Variants in CCDC171 observed in about 807,000 individuals in gnomAD.
CCDC171 encodes coiled-coil domain containing 171, also known as coiled-coil domain-containing protein 171.
Under a neutral mutation model 168.2 loss-of-function variants are expected in CCDC171, and 177 were observed. That is an observed-to-expected ratio of 1.05 (90% CI 0.93 to 1.19). The LOEUF (loss-of-function observed/expected upper bound fraction) is 1.19. CCDC171 is among the 50% of genes most tolerant of loss of function. The pLI, the probability that CCDC171 is intolerant of heterozygous loss-of-function variation, is 0.00. For missense variants in CCDC171, 1,991 were observed against 1,539.0 expected, an observed-to-expected ratio of 1.29 and a Z score of -4.91; for synonymous variants, 687 against 540.8, an observed-to-expected ratio of 1.27 and a Z score of -3.75.
At chr9:15,825,875 A>G (rs1291394987) in intron 21 of CCDC171, among the ~76,000 whole-genome samples, 2 of 152,164 alleles carry the variant, frequency 1.3e-5, no homozygotes, top group African/African-American at 4.8e-5. Flanking sequence ...AATGTGGTAG[A>G]CACTAAGCTT....
chr9:15,782,869 T>G (rs1329420011), intron 20 of CCDC171, among the ~76,000 whole-genome samples: 1 of 152,206 alleles, frequency 6.6e-6, no homozygotes, highest in Admixed American at 6.5e-5. Context: ...CCCAGCACTA[T>G]GCAAGTATCA....
At chr9:15,859,163 C>G (rs972338257) in intron 23 of CCDC171, among the ~76,000 whole-genome samples, 1 of 151,902 alleles carries the variant, frequency 6.6e-6, no homozygotes, top group Non-Finnish European at 1.5e-5. Flanking sequence ...GAATTTTGTC[C>G]TTCATTCTGT....
intron 9 of CCDC171, among the ~76,000 whole-genome samples, chr9:15,668,675 C>T (rs1187249783): frequency 1.3e-5 from 2 of 152,156 alleles, no homozygotes; most frequent in African/African-American, 4.8e-5. Flanking sequence ...ATGAAAGCCA[C>T]TTCCATCCCT....
chr9:15,933,673 G>T (rs866124087), intron 25 of CCDC171, among the ~76,000 whole-genome samples: 5 of 151,704 alleles, frequency 3.3e-5, no homozygotes, highest in Admixed American at 2.6e-4. Flanking sequence ...CATAGATTTT[G>T]GTACGATATG....
chr9:15,993,202 T>A (rs11998851), intron 3 of CCDC171, among the ~76,000 whole-genome samples: 10,338 of 149,900 alleles, frequency 0.069, 1,215 homozygotes, highest in African/African-American at 0.25. Flanking sequence ...CTATACTACA[T>A]GGCTACAGTA....
the CCDC171 span, among the ~76,000 whole-genome samples, chr9:16,101,069 G>C: frequency 0.014 from 2,114 of 152,328 alleles, 34 homozygotes; most frequent in Admixed American, 0.022. Flanking sequence ...AGCAGAGAAA[G>C]CCGGGCTGCA....
At chr9:15,569,849 A>AC (rs1554681010) in intron 2 of CCDC171, among the ~76,000 whole-genome samples, 4 of 141,862 alleles carry the variant, frequency 2.8e-5, no homozygotes, top group African/African-American at 1.2e-4. Flanking sequence ...AAACAAACAA[A>AC]AAAAAAATTT....
the CCDC171 span, among the ~76,000 whole-genome samples, chr9:16,066,994 G>C: frequency 6.6e-6 from 1 of 151,938 alleles, no homozygotes; most frequent in African/African-American, 2.4e-5. Context: ...GGATGGCTGG[G>C]TCAAATGGTA....
intron 25 of CCDC171, among the ~76,000 whole-genome samples, chr9:15,969,950 G>C (rs968155194): frequency 6.6e-6 from 1 of 152,164 alleles, no homozygotes; most frequent in Non-Finnish European, 1.5e-5. Flanking sequence ...GGTTCTGCAA[G>C]CAAAACCTCA....
At chr9:15,877,191 C>CAAAG (rs1817959253) in intron 24 of CCDC171, among the ~76,000 whole-genome samples, 1 of 151,616 alleles carries the variant, frequency 6.6e-6, no homozygotes. Flanking sequence ...AACAAACAAA[C>CAAAG]AAACAAACAA....
At chr9:16,067,172 T>C in the CCDC171 span, among the ~76,000 whole-genome samples, 1 of 152,070 alleles carries the variant, frequency 6.6e-6, no homozygotes, top group East Asian at 1.9e-4. Flanking sequence ...TGTGAGATGG[T>C]ATCTCATTGT....
intron 22 of CCDC171, 30 bp downstream of exon 22, chr9:15,846,877 TAAAAC>T: frequency 6.4e-7 from 1 of 1,572,666 alleles, no homozygotes; most frequent in Non-Finnish European, 8.6e-7. Flanking sequence ...GGAGATCACT[TAAAAC>T]AGACAAAAGA....
chr9:15,925,303 T>A (rs1195253733), intron 25 of CCDC171, among the ~76,000 whole-genome samples: 1 of 151,488 alleles, frequency 6.6e-6, no homozygotes, highest in Admixed American at 6.6e-5. Flanking sequence ...TGGATAGGAA[T>A]TATCCAATGA....
chr9:15,775,200 A>G (rs1195639351), intron 18 of CCDC171, among the ~76,000 whole-genome samples: 1 of 152,206 alleles, frequency 6.6e-6, no homozygotes, highest in Non-Finnish European at 1.5e-5. Context: ...ACTGTAATTC[A>G]TTGAGAGTCG....
chr9:15,590,805 C>G (rs895983438), intron 4 of CCDC171, among the ~76,000 whole-genome samples: 1 of 141,508 alleles, frequency 7.1e-6, no homozygotes, highest in Non-Finnish European at 1.5e-5. Flanking sequence ...TTCTTTCTTT[C>G]TTTCTTTCTT....
At chr9:16,101,137 TCTA>T in the CCDC171 span, among the ~76,000 whole-genome samples, 1 of 152,070 alleles carries the variant, frequency 6.6e-6, no homozygotes, top group Non-Finnish European at 1.5e-5. Context: ...TGAAGAAAGG[TCTA>T]CTGCTTCTTG....
chr9:16,018,084 A>G (rs575505831), intron 3 of CCDC171, among the ~76,000 whole-genome samples: 3 of 152,294 alleles, frequency 2.0e-5, no homozygotes, highest in African/African-American at 7.2e-5. Flanking sequence ...AGATTTTTTT[A>G]GCTTCTACAG....
rs138996668 is a variant in CCDC171, at chr9:15,980,183, A to C, written n.369-40406A>C. Among the ~76,000 whole-genome samples, 22 of 152,282 alleles carry C rather than the reference A, an allele frequency of 1.4e-4. No individual in the cohort carries two copies. The East Asian group carries it at 3.9e-3, about 27-fold the overall frequency. On this transcript the variant is annotated intron_variant and non_coding_transcript_variant, in intron 3 of 9. Transcript: ENST00000486641. ...TGTTTTCTGGAAATTTTCTATTTCAAATTAGGATTTTGACTTTACCTTTGT... is the reference window on the plus strand; with the variant it reads ...TGTTTTCTGGAAATTTTCTATTTCACATTAGGATTTTGACTTTACCTTTGT...
rs374465999 is a variant in CCDC171 at position 15,592,803 on chromosome 9, T to C, written c.544-1238T>C. Among the ~76,000 whole-genome samples the C allele has an allele frequency of 4.7e-4, 71 of 152,284 alleles. 1 individual carries two copies. The highest frequency in any genetic ancestry group is 1.6e-3 in the African/African-American group (67 of 41,566). The stretch of plus-strand genomic sequence containing the variant: ...CACCTGAAGGTAGAAGATTTTGATC[T>C]GATCTCAATTAGCTACTTAGGAGAA... On this transcript the variant is annotated intron_variant, in intron 5 of 25. Transcript: ENST00000380701.
Sources: gnomAD v4.1 joint callset for allele counts (sites outside exome capture counted in the v4.1 genomes callset) on GRCh38, gnomAD v4.1.1 for gene constraint, MANE v1.5 for transcripts, NCBI Gene and HGNC (gene_info 2026-07-23, HGNC 2026-07-21) for gene names.